MAGI1: variants seen among roughly 807,000 people sequenced by gnomAD.
MAGI1 encodes membrane-associated guanylate kinase, WW and PDZ domain-containing protein 1.
Under a neutral mutation model 139.9 loss-of-function variants are expected in MAGI1, and 58 were observed. The observed-to-expected ratio is 0.41, with a 90% confidence interval of 0.34 to 0.52. The LOEUF is 0.52. MAGI1 is among the 20% of genes least tolerant of loss of function. MAGI1 has a pLI of 0.12. For missense variants in MAGI1, 1,874 were observed against 1,901.6 expected (o/e 0.99, Z 0.27); for synonymous variants, 812 against 737.9 (o/e 1.10, Z -1.63).
At chr3:65,727,350 G>C (rs2033731047) in intron 1 of MAGI1, among the ~76,000 whole-genome samples, 1 of 152,152 alleles carries the variant, frequency 6.6e-6, no homozygotes, top group Non-Finnish European at 1.5e-5. Flanking sequence ...AAACATTTGA[G>C]TTACAATCGA....
chr3:65,534,050 C>T (rs2078835709), intron 2 of MAGI1, among the ~76,000 whole-genome samples: 2 of 152,140 alleles, frequency 1.3e-5, no homozygotes, highest in African/African-American at 4.8e-5. Flanking sequence ...CAGAGAACTA[C>T]CCAGAACTAC....
At chr3:65,965,970 T>C (rs1041813916) in intron 1 of MAGI1, among the ~76,000 whole-genome samples, 1 of 152,170 alleles carries the variant, frequency 6.6e-6, no homozygotes, top group African/African-American at 2.4e-5. Context: ...CTCCTCTTTA[T>C]ACTGCTTACT....
Position 65,548,509 on chromosome 3 carries a change from C to CTTTTTTTT in MAGI1, c.431-54879_431-54878insAAAAAAAA, listed in dbSNP as rs1306099660. On this transcript the variant is annotated intron_variant, in intron 2 of 22. Coordinates refer to ENST00000402939, the MANE Select transcript of MAGI1 (RefSeq NM_001033057.2). Reference sequence around the variant, plus strand: ...TGAGCCCAGCTTTATGCAAACAACACTCTTTTTTTTTTTTTTTTTTTTTTT... The same window carrying CTTTTTTTT: ...TGAGCCCAGCTTTATGCAAACAACACTTTTTTTTTCTTTTTTTTTTTTTTTTTTTTTTT... Among the ~76,000 whole-genome samples the CTTTTTTTT allele has an allele frequency of 3.0e-4, 35 of 117,392 alleles. 2 individuals carry two copies. Among genetic ancestry groups the CTTTTTTTT allele is most frequent in the South Asian group, 1.5e-3 (5 of 3,266 alleles). 77.0% of individuals were successfully genotyped at this position (117,392 alleles called of 152,430 possible). A position where few individuals can be genotyped will look rare whatever the true frequency, so the allele number is the denominator to read the frequency against.
At chr3:65,602,830 G>C (rs1020895067) in intron 2 of MAGI1, among the ~76,000 whole-genome samples, 7 of 151,876 alleles carry the variant, frequency 4.6e-5, no homozygotes, top group African/African-American at 1.7e-4. Flanking sequence ...TATTAAAATA[G>C]AAAAACCTTT....
chr3:65,489,638 C>G (rs1163108217), intron 3 of MAGI1, among the ~76,000 whole-genome samples: 1 of 152,030 alleles, frequency 6.6e-6, no homozygotes, highest in Non-Finnish European at 1.5e-5. Context: ...CACTGGGACA[C>G]TATGCAGCAT....
At chr3:65,745,720 T>C (rs750856169) in intron 1 of MAGI1, among the ~76,000 whole-genome samples, 1 of 151,150 alleles carries the variant, frequency 6.6e-6, no homozygotes, top group Non-Finnish European at 1.5e-5. Context: ...CAAGTGGATA[T>C]TGAATTCTCT....
chr3:65,640,268 T>C (rs1458379694), intron 1 of MAGI1, among the ~76,000 whole-genome samples: 1 of 152,168 alleles, frequency 6.6e-6, no homozygotes, highest in Non-Finnish European at 1.5e-5. Flanking sequence ...CACTGACTAA[T>C]ACATCATCTG....
intron 2 of MAGI1, among the ~76,000 whole-genome samples, chr3:65,553,004 T>A (rs2079918152): frequency 2.6e-5 from 4 of 152,180 alleles, no homozygotes; most frequent in Admixed American, 2.0e-4. Context: ...TGGTAATACA[T>A]CTAAGGGATG....
At chr3:65,885,165 G>C (rs111366190) in intron 1 of MAGI1, among the ~76,000 whole-genome samples, 1 of 152,110 alleles carries the variant, frequency 6.6e-6, no homozygotes, top group Admixed American at 6.5e-5. Flanking sequence ...TTGGGAGGCC[G>C]AGGTGGGCAG....
intron 2 of MAGI1, among the ~76,000 whole-genome samples, chr3:65,511,689 C>T (rs1351384441): frequency 6.7e-6 from 1 of 149,162 alleles, no homozygotes; most frequent in Non-Finnish European, 1.5e-5. Context: ...GACTTAGACT[C>T]CCACATATTA....
intron 12 of MAGI1, among the ~76,000 whole-genome samples, chr3:65,412,813 A>C (rs890082490): frequency 2.6e-5 from 4 of 152,154 alleles, no homozygotes; most frequent in Non-Finnish European, 5.9e-5. Flanking sequence ...ACAGAGAACA[A>C]GGTTCCGCTG....
At chr3:65,432,348 G>A (rs1480630160) in intron 10 of MAGI1, among the ~76,000 whole-genome samples, 2 of 152,106 alleles carry the variant, frequency 1.3e-5, no homozygotes, top group Non-Finnish European at 2.9e-5. Flanking sequence ...GAGAAAGAGG[G>A]AGACATTAGT....
At chr3:66,002,964 A>G (rs1004341703) in intron 1 of MAGI1, among the ~76,000 whole-genome samples, 1 of 152,194 alleles carries the variant, frequency 6.6e-6, no homozygotes, top group Non-Finnish European at 1.5e-5. Context: ...TATTAATAGT[A>G]CAGAGCTGGA....
chr3:65,360,052 C>A (rs1455616019), intron 22 of MAGI1: 1 of 985,238 alleles, frequency 1.0e-6, no homozygotes, highest in African/African-American at 1.7e-5. Context: ...AATACCCACC[C>A]TCCCCCTGTA....
chr3:66,010,590 T>C (rs967784033), intron 1 of MAGI1, among the ~76,000 whole-genome samples: 1 of 152,198 alleles, frequency 6.6e-6, no homozygotes, highest in African/African-American at 2.4e-5. Flanking sequence ...ACTTACACCA[T>C]TATAATGAAA....
intron 3 of MAGI1, among the ~76,000 whole-genome samples, chr3:65,479,474 A>G (rs1036254296): frequency 2.0e-5 from 3 of 152,180 alleles, no homozygotes; most frequent in Admixed American, 2.0e-4. Context: ...AGGTCCCACT[A>G]TAGTGTGCTA....
chr3:65,359,404 C>A, intron 22 of MAGI1: 1 of 1,254,176 alleles, frequency 8.0e-7, no homozygotes, highest in Non-Finnish European at 1.0e-6. Flanking sequence ...ACCCAGACAA[C>A]GAATGCATCC....
At chr3:65,529,409 G>C (rs2078533909) in intron 2 of MAGI1, among the ~76,000 whole-genome samples, 1 of 152,036 alleles carries the variant, frequency 6.6e-6, no homozygotes, top group Admixed American at 6.6e-5. Flanking sequence ...CTATGAATTT[G>C]CTTATTCTGG....
At chr3:65,387,963 A>G (rs896623336) in intron 14 of MAGI1, among the ~76,000 whole-genome samples, 1 of 152,180 alleles carries the variant, frequency 6.6e-6, no homozygotes, top group Admixed American at 6.5e-5. Flanking sequence ...TAAGCCTTAT[A>G]ATTTCTTTTG....
Sources: allele counts gnomAD v4.1 joint callset (sites outside exome capture counted in the v4.1 genomes callset), GRCh38; gene constraint gnomAD v4.1.1; transcripts MANE v1.5; gene names NCBI Gene and HGNC (gene_info 2026-07-23, HGNC 2026-07-21).